APBB2: variants seen among roughly 807,000 people sequenced by gnomAD.
The protein encoded by APBB2 is Fe65-like 1.
Under a neutral mutation model 82.5 loss-of-function variants are expected in APBB2, and 38 were observed. That is an observed-to-expected ratio of 0.46 (90% CI 0.36 to 0.60). APBB2 has a LOEUF of 0.60. APBB2 is among the 20% of genes least tolerant of loss of function. APBB2 has a pLI of 0.00. For missense variants in APBB2, 772 were observed against 972.3 expected (o/e 0.79, Z 2.74); for synonymous variants, 341 against 368.2 (o/e 0.93, Z 0.85).
intron 6 of APBB2, among the ~76,000 whole-genome samples, chr4:41,006,778 TTTGTAA>T (rs1266151327): frequency 6.6e-6 from 1 of 152,080 alleles, no homozygotes; most frequent in Non-Finnish European, 1.5e-5. Flanking sequence ...GGGCCTAGTA[TTTGTAA>T]GAAAAAAGGG....
chr4:41,164,923 C>T (rs1262332389), intron 1 of APBB2, among the ~76,000 whole-genome samples: 1 of 152,128 alleles, frequency 6.6e-6, no homozygotes, highest in African/African-American at 2.4e-5. Flanking sequence ...ACATAGAGTC[C>T]ATCTTCAGGG....
At chr4:41,137,707 T>C (rs1757962879) in intron 2 of APBB2, among the ~76,000 whole-genome samples, 1 of 152,182 alleles carries the variant, frequency 6.6e-6, no homozygotes, top group Non-Finnish European at 1.5e-5. Flanking sequence ...AGAAAGCCCT[T>C]ACATTTGTGG....
At chr4:40,905,695 C>A (rs919355842) in intron 10 of APBB2, among the ~76,000 whole-genome samples, 1 of 152,182 alleles carries the variant, frequency 6.6e-6, no homozygotes, top group African/African-American at 2.4e-5. Context: ...AGAGAATGCA[C>A]AAAGGCAGTC....
At chr4:41,023,110 T>A (rs1422523299) in intron 5 of APBB2, among the ~76,000 whole-genome samples, 1 of 152,186 alleles carries the variant, frequency 6.6e-6, no homozygotes, top group Non-Finnish European at 1.5e-5. Flanking sequence ...ATATTTAGAG[T>A]CAAAAGCATA....
intron 3 of APBB2, among the ~76,000 whole-genome samples, chr4:41,075,207 T>G (rs1409734932): frequency 1.3e-5 from 2 of 152,182 alleles, no homozygotes; most frequent in African/African-American, 4.8e-5. Context: ...CCTTTAAAAT[T>G]TGAATTGATT....
intron 1 of APBB2, among the ~76,000 whole-genome samples, chr4:41,210,980 C>G: frequency 6.6e-6 from 1 of 152,142 alleles, no homozygotes; most frequent in African/African-American, 2.4e-5. Context: ...ACAGACCAGG[C>G]GTGATGGCTC....
intron 4 of APBB2, among the ~76,000 whole-genome samples, chr4:41,064,098 C>T (rs559793136): frequency 6.8e-4 from 104 of 151,832 alleles, no homozygotes; most frequent in Non-Finnish European, 1.4e-3. Context: ...CCTGCCTCAG[C>T]CTCCCGAGTA....
intron 4 of APBB2, among the ~76,000 whole-genome samples, chr4:41,045,152 C>G (rs1365031068): frequency 6.6e-6 from 1 of 151,640 alleles, no homozygotes; most frequent in African/African-American, 2.4e-5. Context: ...TTTTTAATTT[C>G]TAATTCTTTC....
intron 6 of APBB2, among the ~76,000 whole-genome samples, chr4:40,991,796 C>T (rs959138596): frequency 1.4e-4 from 21 of 151,980 alleles, no homozygotes; most frequent in African/African-American, 5.1e-4. Flanking sequence ...TTTTTAGAAC[C>T]TTCAGACCCC....
At chr4:41,147,288 G>T (rs1035674721) in intron 1 of APBB2, among the ~76,000 whole-genome samples, 2 of 152,134 alleles carry the variant, frequency 1.3e-5, no homozygotes, top group African/African-American at 2.4e-5. Flanking sequence ...AAAGCTTACT[G>T]AAGTCACCAA....
At chr4:40,828,827 G>C (rs554337307) in intron 13 of APBB2, among the ~76,000 whole-genome samples, 3 of 152,352 alleles carry the variant, frequency 2.0e-5, no homozygotes. Flanking sequence ...GTGGGATTCA[G>C]AGCAGCAGAC....
chr4:40,823,603 C>T, intron 16 of APBB2, 41 bp downstream of exon 16: 1 of 1,358,816 alleles, frequency 7.4e-7, no homozygotes, highest in Non-Finnish European at 1.1e-6. Flanking sequence ...CTTATACTCA[C>T]TGTATAAGAC....
chr4:41,145,512 T>C (rs1174849977), intron 1 of APBB2, among the ~76,000 whole-genome samples: 4 of 152,182 alleles, frequency 2.6e-5, no homozygotes, highest in African/African-American at 9.7e-5. Context: ...AAATTTATTC[T>C]ACCAAAAATG....
At chr4:41,036,018 G>A (rs1232016838) in intron 4 of APBB2, among the ~76,000 whole-genome samples, 4 of 152,002 alleles carry the variant, frequency 2.6e-5, no homozygotes, top group Admixed American at 6.6e-5. Flanking sequence ...AATTAGCTGG[G>A]TGGGGTGGCA....
Position 40,813,366 on chromosome 4 carries a change from T to C in APBB2, c.*2726A>G, listed in dbSNP as rs183037633. ...AAAATATGGTAAGACATAGAAGGCA[T>C]CGTGAACATGGCTGCCTGTTTACCG... On this transcript the variant is annotated 3_prime_UTR_variant, in exon 18 of 18. Coordinates refer to ENST00000508593, the MANE Select transcript of APBB2 (RefSeq NM_004307.2). 4.6e-5 allele frequency: 7 copies of C among 152,304 alleles called. No homozygotes were observed. The allele number at this position is 152,304 out of a possible 1,614,324, so 9.4% of individuals were successfully genotyped here.
At chr4:41,174,120 G>T (rs1353828697) in intron 1 of APBB2, among the ~76,000 whole-genome samples, 2 of 152,130 alleles carry the variant, frequency 1.3e-5, no homozygotes, top group African/African-American at 2.4e-5. Flanking sequence ...CTTTTTCAGG[G>T]TGTGTTAAAC....
chr4:41,068,601 T>C (rs1280908119), intron 3 of APBB2, among the ~76,000 whole-genome samples: 1 of 152,048 alleles, frequency 6.6e-6, no homozygotes, highest in Non-Finnish European at 1.5e-5. Context: ...ACAAGGCAGT[T>C]TGTACCAAGA....
At chr4:40,910,087 G>A (rs1778132808) in intron 10 of APBB2, among the ~76,000 whole-genome samples, 1 of 151,636 alleles carries the variant, frequency 6.6e-6, no homozygotes, top group African/African-American at 2.4e-5. Flanking sequence ...CCCTAGTAGC[G>A]GGGATTACAG....
chr4:40,940,975 T>C (rs1786736140), intron 7 of APBB2, among the ~76,000 whole-genome samples: 1 of 152,218 alleles, frequency 6.6e-6, no homozygotes, highest in African/African-American at 2.4e-5. Flanking sequence ...TTATAAACTT[T>C]CAAAAATACT....
Sources: allele counts gnomAD v4.1 joint callset (sites outside exome capture counted in the v4.1 genomes callset), GRCh38; gene constraint gnomAD v4.1.1; transcripts MANE v1.5; gene names NCBI Gene and HGNC (gene_info 2026-07-23, HGNC 2026-07-21).